The following SHROOM3 variants were observed in gnomAD, a reference collection of about 807,000 sequenced individuals.
SHROOM3 encodes the protein protein Shroom3.
A neutral mutation model predicts 138.6 loss-of-function variants in SHROOM3; 47 were observed. The ratio of observed to expected loss-of-function variants is 0.34; its 90% CI spans 0.27 to 0.43. SHROOM3 has a LOEUF of 0.43. SHROOM3 is among the 20% of genes least tolerant of loss of function. The probability of loss-of-function intolerance (pLI) is 1.00; values close to 1 mark genes in which losing one functional copy is unlikely to be tolerated. For missense variants in SHROOM3, 2,491 were observed against 2,596.5 expected (o/e 0.96, Z 0.88); for synonymous variants, 1,062 against 1,063.3 (o/e 1.00, Z 0.02).
chr4:76,775,830 C>CACAT (rs1359109240), intron 10 of SHROOM3, among the ~76,000 whole-genome samples: 1 of 151,394 alleles, frequency 6.6e-6, no homozygotes, highest in African/African-American at 2.4e-5. Flanking sequence ...CACACACACA[C>CACAT]ACATACATAT....
At chr4:76,619,180 G>T (rs1734946417) in intron 2 of SHROOM3, among the ~76,000 whole-genome samples, 1 of 152,162 alleles carries the variant, frequency 6.6e-6, no homozygotes, top group Non-Finnish European at 1.5e-5. Flanking sequence ...TGGAACATGT[G>T]CCATCCTTTC....
chr4:76,519,042 T>TA (rs1732507473), intron 1 of SHROOM3, among the ~76,000 whole-genome samples: 1 of 152,172 alleles, frequency 6.6e-6, no homozygotes, highest in South Asian at 2.1e-4. Context: ...GGCATAGCCT[T>TA]GCCCTTGGAA....
intron 2 of SHROOM3, among the ~76,000 whole-genome samples, chr4:76,608,199 C>T (rs1031380549): frequency 3.9e-5 from 6 of 152,204 alleles, no homozygotes; most frequent in Admixed American, 6.5e-5. Flanking sequence ...GGGAAGAAGG[C>T]ACAACACTTG....
chr4:76,703,643 T>G (rs527567387), intron 2 of SHROOM3, among the ~76,000 whole-genome samples: 2 of 152,278 alleles, frequency 1.3e-5, no homozygotes, highest in African/African-American at 4.8e-5. Context: ...ATTAGAGACC[T>G]GCAAACCCAG....
intron 3 of SHROOM3, among the ~76,000 whole-genome samples, chr4:76,724,449 T>A (rs1266023484): frequency 1.3e-5 from 2 of 152,124 alleles, no homozygotes; most frequent in Non-Finnish European, 2.9e-5. Flanking sequence ...TTTTTTTTTT[T>A]AACTCTCAAG....
intron 2 of SHROOM3, among the ~76,000 whole-genome samples, chr4:76,699,200 C>G (rs1160277155): frequency 6.6e-6 from 1 of 152,204 alleles, no homozygotes; most frequent in African/African-American, 2.4e-5. Context: ...CCAGGTTGAT[C>G]CAGCTACAAA....
intron 3 of SHROOM3, among the ~76,000 whole-genome samples, chr4:76,727,473 G>C (rs1369417523): frequency 6.6e-6 from 1 of 152,206 alleles, no homozygotes; most frequent in Admixed American, 6.5e-5. Context: ...GGTTGAAGAT[G>C]CAGCAGCCTA....
intron 2 of SHROOM3, among the ~76,000 whole-genome samples, chr4:76,662,824 G>GT (rs1243730316): frequency 2.6e-5 from 4 of 152,128 alleles, no homozygotes; most frequent in Non-Finnish European, 5.9e-5. Flanking sequence ...CGAGGCTGCA[G>GT]TAGGCTGTGA....
chr4:76,678,112 T>C (rs566064230), intron 2 of SHROOM3, among the ~76,000 whole-genome samples: 1 of 152,338 alleles, frequency 6.6e-6, no homozygotes, highest in South Asian at 2.1e-4. Context: ...AAAGTGAGAC[T>C]GCCAACAAAA....
At chr4:76,506,239 G>A (rs577315290) in intron 1 of SHROOM3, among the ~76,000 whole-genome samples, 13 of 151,970 alleles carry the variant, frequency 8.6e-5, no homozygotes, top group African/African-American at 3.1e-4. Flanking sequence ...GTAGTGGGGG[G>A]CTGGGGGAGG....
Position 76,738,741 on chromosome 4 carries a change from CT to C in SHROOM3, c.588-19del. On this transcript the variant is annotated intron_variant, in intron 4 of 10. Coordinates refer to ENST00000296043, the MANE Select transcript of SHROOM3 (RefSeq NM_020859.4). ...AATGATAACAGCTCAGTGGTACTGACTGCTTTGTCTTTCTTCCAGCTCCTCT... is the reference window on the plus strand; with the variant it reads ...AATGATAACAGCTCAGTGGTACTGACGCTTTGTCTTTCTTCCAGCTCCTCT... 6.2e-7 allele frequency: 1 copy of C among 1,613,964 alleles called. No homozygotes were observed.
At chr4:76,468,927 G>T (rs4859679) in intron 1 of SHROOM3, among the ~76,000 whole-genome samples, 19,709 of 151,828 alleles carry the variant, frequency 0.13, 1,355 homozygotes, top group Middle Eastern at 0.22. Context: ...CCAGCTACTC[G>T]GGAGGCTGAA....
intron 2 of SHROOM3, among the ~76,000 whole-genome samples, chr4:76,675,707 T>C (rs1045901744): frequency 1.3e-5 from 2 of 152,168 alleles, no homozygotes; most frequent in African/African-American, 4.8e-5. Flanking sequence ...AATTTAAAGA[T>C]TATCTGGTCA....
intron 1 of SHROOM3, among the ~76,000 whole-genome samples, chr4:76,493,301 G>A (rs934558745): frequency 3.3e-5 from 5 of 149,918 alleles, no homozygotes; most frequent in Admixed American, 6.6e-5. Context: ...TTTAGTATAA[G>A]TATGTCCCAA....
intron 3 of SHROOM3, among the ~76,000 whole-genome samples, chr4:76,720,123 TGAAAAGCCTTG>T (rs1720491842): frequency 6.6e-6 from 1 of 150,518 alleles, no homozygotes; most frequent in Non-Finnish European, 1.5e-5. Flanking sequence ...GAGGGAATTA[TGAAAAGCCTTG>T]GAAAAGTGTT....
rs199714113 is a variant in SHROOM3 at position 76,770,283 on chromosome 4, C to G, written c.5350-343C>G. Among the ~76,000 whole-genome samples the G allele has an allele frequency of 5.5e-5, 7 of 127,460 alleles. No individual in the cohort carries two copies. The East Asian group carries it at 1.8e-3, about 32-fold the overall frequency. 83.6% of individuals were successfully genotyped at this position (127,460 alleles called of 152,430 possible). A position where few individuals can be genotyped will look rare whatever the true frequency, so the allele number is the denominator to read the frequency against. On this transcript the variant is annotated intron_variant, in intron 9 of 10. Transcript: ENST00000296043. ...GGATTGCAGTGAGCCGAGATTGAACCATTGTACTCCAGCCTGGGTGACAAG... is the reference window on the plus strand; with the variant it reads ...GGATTGCAGTGAGCCGAGATTGAACGATTGTACTCCAGCCTGGGTGACAAG...
intron 1 of SHROOM3, among the ~76,000 whole-genome samples, chr4:76,519,004 G>T (rs910715298): frequency 6.6e-6 from 1 of 152,104 alleles, no homozygotes; most frequent in African/African-American, 2.4e-5. Flanking sequence ...CACAGTCTGG[G>T]TACACAGCTG....
chr4:76,475,744 A>G (rs947378711), intron 1 of SHROOM3, among the ~76,000 whole-genome samples: 5 of 152,238 alleles, frequency 3.3e-5, no homozygotes, highest in Non-Finnish European at 7.3e-5. Context: ...AGGAAATCCA[A>G]AGCAAATCAC....
intron 1 of SHROOM3, among the ~76,000 whole-genome samples, chr4:76,555,029 G>A (rs1045041658): frequency 2.6e-5 from 4 of 151,466 alleles, no homozygotes; most frequent in East Asian, 3.9e-4. Flanking sequence ...CCCCCAGTGG[G>A]ACCATCTAGT....
Sources: allele counts gnomAD v4.1 joint callset (sites outside exome capture counted in the v4.1 genomes callset), GRCh38; gene constraint gnomAD v4.1.1; transcripts MANE v1.5; gene names NCBI Gene and HGNC (gene_info 2026-07-23, HGNC 2026-07-21).